Variants in FHOD3 observed in about 807,000 individuals in gnomAD.
The protein encoded by FHOD3 is formin homology 2 domain containing 3, also known as FH1/FH2 domain-containing protein 3.
In FHOD3, 90 loss-of-function variants were observed where a neutral mutation model predicts 173.0. That is an observed-to-expected ratio of 0.52 (90% CI 0.44 to 0.62). The LOEUF (loss-of-function observed/expected upper bound fraction) is 0.62, where lower values mean the gene tolerates loss of function less well. Among genes scored for constraint, FHOD3 ranks in the 20% least tolerant of loss-of-function variants. The probability of loss-of-function intolerance (pLI) is 0.00; values close to 1 mark genes in which losing one functional copy is unlikely to be tolerated. For synonymous variants in FHOD3, 828 were observed against 823.0 expected, an observed-to-expected ratio of 1.01 and a Z score of -0.10; for missense variants, 1,945 against 2,034.7, an observed-to-expected ratio of 0.96 and a Z score of 0.85.
intron 4 of FHOD3, among the ~76,000 whole-genome samples, chr18:36,508,963 A>G (rs2055464922): frequency 1.3e-5 from 2 of 152,182 alleles, no homozygotes; most frequent in South Asian, 2.1e-4. Flanking sequence ...AATACAAACT[A>G]CCATCAATGA....
At chr18:36,550,453 G>GT (rs929077078) in intron 5 of FHOD3, among the ~76,000 whole-genome samples, 6 of 150,740 alleles carry the variant, frequency 4.0e-5, no homozygotes, top group East Asian at 2.0e-4. Context: ...AAGAATTTTG[G>GT]TTTTTTTTCT....
chr18:36,370,500 C>T (rs1201615498), intron 2 of FHOD3, among the ~76,000 whole-genome samples: 1 of 152,092 alleles, frequency 6.6e-6, no homozygotes, highest in Non-Finnish European at 1.5e-5. Flanking sequence ...GACCACCCTA[C>T]ATGCTCACTG....
Position 36,612,181 on chromosome 18 carries a change from A to C in FHOD3, c.957+86A>C, listed in dbSNP as rs77756799. On this transcript the variant is annotated intron_variant, in intron 9 of 28. Transcript: ENST00000590592. ...TGGCGCCTACTTTAGACCACGCGTAAAGCGTATGAGCACCACCAGCTTATT... is the reference window on the plus strand; with the variant it reads ...TGGCGCCTACTTTAGACCACGCGTACAGCGTATGAGCACCACCAGCTTATT... 6,997 of 1,417,206 alleles carry C rather than the reference A, an allele frequency of 4.9e-3. 310 individuals carry two copies. The African/African-American group carries it at 0.09, about 18-fold the overall frequency. The allele number at this position is 1,417,206 out of a possible 1,614,324, so 87.8% of individuals were successfully genotyped here.
At chr18:36,446,006 T>G (rs1483725014) in intron 3 of FHOD3, among the ~76,000 whole-genome samples, 5 of 152,308 alleles carry the variant, frequency 3.3e-5, no homozygotes, top group Non-Finnish European at 5.9e-5. Context: ...CAGGTCTCCG[T>G]TGATGAATGG....
At position 36,476,326 on chromosome 18, in the gene FHOD3, C is replaced by A. The variant is rs1047158077; in HGVS notation, c.338-25606C>A. On this transcript the variant is annotated intron_variant, in intron 3 of 28. Transcript: ENST00000590592. ...TTTCCCAGGGGCATGGAAGGTGATG[C>A]CAGCAGAAGGCAGGAAGGAATCTCT... is the stretch of plus-strand genomic sequence containing the variant. Among the ~76,000 whole-genome samples, 3 of 152,174 alleles carry A rather than the reference C, an allele frequency of 2.0e-5. No homozygotes were observed. The South Asian group carries it at 6.2e-4, about 32-fold the overall frequency.
chr18:36,535,851 G>A (rs1189649442), intron 5 of FHOD3, among the ~76,000 whole-genome samples: 2 of 152,110 alleles, frequency 1.3e-5, no homozygotes. Context: ...GAGCCAAAAG[G>A]TGAATATTTT....
At chr18:36,758,992 T>C (rs1370591237) in intron 25 of FHOD3, 126 bp from the exon 26 acceptor site, 1 of 1,013,116 alleles carries the variant, frequency 9.9e-7, no homozygotes, top group African/African-American at 1.6e-5. Context: ...TGTATCCTGG[T>C]TGTGGTGACC....
At position 36,321,903 on chromosome 18, in the gene FHOD3, G is replaced by A. The variant is rs137890330; in HGVS notation, c.165+23903G>A. On this transcript the variant is annotated intron_variant, in intron 1 of 28. Transcript: ENST00000590592. ...GGCGTGGGGCTGCAGGCGATGCCCT[G>A]TGTTCTCAGATGCCTCCTTTGTTGG... Among the ~76,000 whole-genome samples, 69 of 152,328 alleles carry A rather than the reference G, an allele frequency of 4.5e-4. 1 individual carries two copies. The highest frequency in any genetic ancestry group is 1.6e-3 in the African/African-American group (68 of 41,558).
At chr18:36,667,518 C>T (rs1238649302) in intron 14 of FHOD3, among the ~76,000 whole-genome samples, 2 of 152,188 alleles carry the variant, frequency 1.3e-5, no homozygotes, top group African/African-American at 2.4e-5. Flanking sequence ...TAGCCTGTTA[C>T]TCCTAGACTG....
At chr18:36,356,203 A>G (rs1345076589) in intron 2 of FHOD3, among the ~76,000 whole-genome samples, 12 of 152,280 alleles carry the variant, frequency 7.9e-5, no homozygotes. Context: ...AGCAGATGCT[A>G]TAGTAGATAG....
chr18:36,458,399 C>T (rs9652995), intron 3 of FHOD3, among the ~76,000 whole-genome samples: 20,658 of 151,970 alleles, frequency 0.14, 3,138 homozygotes, highest in African/African-American at 0.37. Context: ...TATTAAAAAA[C>T]TTTTTTGGCA....
At chr18:36,300,468 T>C (rs1218661159) in intron 1 of FHOD3, among the ~76,000 whole-genome samples, 3 of 152,218 alleles carry the variant, frequency 2.0e-5, no homozygotes, top group Non-Finnish European at 4.4e-5. Flanking sequence ...CATATAGTTA[T>C]CAACTCTGCT....
intron 5 of FHOD3, among the ~76,000 whole-genome samples, chr18:36,522,504 T>C (rs1415192827): frequency 6.6e-6 from 1 of 152,226 alleles, no homozygotes; most frequent in African/African-American, 2.4e-5. Flanking sequence ...AAATAAGACA[T>C]GATTTATACA....
chr18:36,572,438 C>T (rs1343368400), intron 5 of FHOD3, among the ~76,000 whole-genome samples: 1 of 152,148 alleles, frequency 6.6e-6, no homozygotes, highest in African/African-American at 2.4e-5. Flanking sequence ...TTAGCGCCAT[C>T]TCGTGTCTGG....
At chr18:36,363,594 G>T (rs576961750) in intron 2 of FHOD3, among the ~76,000 whole-genome samples, 1 of 152,182 alleles carries the variant, frequency 6.6e-6, no homozygotes, top group Non-Finnish European at 1.5e-5. Context: ...AAGGCAAAAA[G>T]CTATGGAGAC....
intron 5 of FHOD3, among the ~76,000 whole-genome samples, chr18:36,512,766 A>AT (rs1204733898): frequency 6.6e-6 from 1 of 152,142 alleles, no homozygotes; most frequent in Non-Finnish European, 1.5e-5. Flanking sequence ...ACCTGGAGTT[A>AT]TTTTACACGC....
chr18:36,372,007 G>A (rs958185708), intron 2 of FHOD3, among the ~76,000 whole-genome samples: 1 of 152,100 alleles, frequency 6.6e-6, no homozygotes, highest in Admixed American at 6.5e-5. Flanking sequence ...CCGTGCTTTG[G>A]TTCCTCTCTG....
intron 17 of FHOD3, among the ~76,000 whole-genome samples, chr18:36,694,389 C>T (rs1038260838): frequency 2.6e-5 from 4 of 152,298 alleles, no homozygotes; most frequent in East Asian, 1.9e-4. Flanking sequence ...AACCTTGGCT[C>T]ATTCTGCTGG....
chr18:36,302,392 C>G (rs1189874680), intron 1 of FHOD3, among the ~76,000 whole-genome samples: 1 of 152,112 alleles, frequency 6.6e-6, no homozygotes, highest in Non-Finnish European at 1.5e-5. Context: ...TGCCACCGCC[C>G]CTCCCCCCCG....
Sources: gnomAD v4.1 joint callset for allele counts (sites outside exome capture counted in the v4.1 genomes callset) on GRCh38, gnomAD v4.1.1 for gene constraint, MANE v1.5 for transcripts, NCBI Gene and HGNC (gene_info 2026-07-23, HGNC 2026-07-21) for gene names.